BIRC6: variants seen among roughly 807,000 people sequenced by gnomAD.
BIRC6 encodes the protein dual E2 ubiquitin-conjugating enzyme/E3 ubiquitin-protein ligase BIRC6.
Under a neutral mutation model 503.3 loss-of-function variants are expected in BIRC6, and 98 were observed. The ratio of observed to expected loss-of-function variants is 0.19; its 90% confidence interval spans 0.17 to 0.23. The LOEUF (loss-of-function observed/expected upper bound fraction) is 0.23, where lower values mean the gene tolerates loss of function less well. Among genes scored for constraint, BIRC6 ranks in the 10% least tolerant of loss-of-function variants. BIRC6 has a pLI of 1.00. For missense variants in BIRC6, 5,360 were observed against 5,806.0 expected (o/e 0.92, Z 2.50); for synonymous variants, 2,240 against 2,078.7 (o/e 1.08, Z -2.11).
At chr2:32,523,652 A>G (rs548453870) in intron 57 of BIRC6, 1 of 152,374 alleles carries the variant, frequency 6.6e-6, no homozygotes, top group South Asian at 2.1e-4. Flanking sequence ...TTCATATACT[A>G]AAAACTGTAA....
chr2:32,554,898 A>T (rs2058671056), intron 65 of BIRC6, among the ~76,000 whole-genome samples: 1 of 152,018 alleles, frequency 6.6e-6, no homozygotes, highest in East Asian at 1.9e-4. Context: ...TGAATTACTT[A>T]GTAGTTACAT....
rs367764441 is a variant in BIRC6, at chr2:32,499,610, G to A, written c.8532G>A (p.Leu2844=). 5.0e-6 allele frequency: 8 copies of A among 1,613,636 alleles called. No individual in the cohort carries two copies. Among genetic ancestry groups the A allele is most frequent in the Non-Finnish European group, 6.8e-6 (8 of 1,179,816 alleles). Residue 2844 remains leucine, a synonymous_variant, in exon 46 of 74, where the codon CTG becomes CTA. Coordinates refer to ENST00000421745, the MANE Select transcript of BIRC6 (RefSeq NM_016252.4). The part of the protein sequence containing the change: ...DAQVKLLEFT[L]EQNFEVVSVS... ...AAGTGAAGCTCTTAGAATTCACTCTGGAGCAGAATTTTGAAGTCGTTTCAG... is the reference window on the plus strand; with the variant it reads ...AAGTGAAGCTCTTAGAATTCACTCTAGAGCAGAATTTTGAAGTCGTTTCAG...
At chr2:32,392,714 C>G (rs906523795) in intron 5 of BIRC6, among the ~76,000 whole-genome samples, 3 of 152,146 alleles carry the variant, frequency 2.0e-5, no homozygotes, top group Non-Finnish European at 4.4e-5. Context: ...TCTCAACCTT[C>G]CCAGGCACAG....
At chr2:32,528,176 A>G (rs2056435663) in intron 59 of BIRC6, 1 of 151,970 alleles carries the variant, frequency 6.6e-6, no homozygotes, top group African/African-American at 2.4e-5. Flanking sequence ...ATAAAAACAC[A>G]GCATCATAGG....
At chr2:32,612,327 G>A (rs1053661347) in intron 73 of BIRC6, among the ~76,000 whole-genome samples, 1 of 152,124 alleles carries the variant, frequency 6.6e-6, no homozygotes, top group Non-Finnish European at 1.5e-5. Flanking sequence ...CAGTTTGGAC[G>A]TTCATAGAAT....
chr2:32,510,107 A>G (rs2054244341), intron 52 of BIRC6, 113 bp downstream of exon 52: 1 of 1,233,440 alleles, frequency 8.1e-7, no homozygotes, highest in African/African-American at 1.5e-5. Flanking sequence ...CTTTTAGTTT[A>G]TGTTTATCTC....
chr2:32,369,184 A>G (rs188326254), intron 1 of BIRC6, among the ~76,000 whole-genome samples: 1 of 152,164 alleles, frequency 6.6e-6, no homozygotes, highest in Non-Finnish European at 1.5e-5. Context: ...ATAGATTTTC[A>G]TATTTGGATG....
intron 73 of BIRC6, 92 bp downstream of exon 73, chr2:32,611,674 G>T: frequency 8.2e-7 from 1 of 1,213,874 alleles, no homozygotes; most frequent in Non-Finnish European, 1.1e-6. Flanking sequence ...TGGGAGGGAG[G>T]GAATTAAAGA....
chr2:32,487,784 C>CAAG lies in BIRC6; in HGVS notation c.7952_7954dup (p.Gln2651_Val2652insGlu). 1 of 1,611,318 alleles carries CAAG rather than the reference C, an allele frequency of 6.2e-7. No homozygotes were observed. Among genetic ancestry groups the CAAG allele is most frequent in the East Asian group, 2.2e-5 (1 of 44,812 alleles). ...TTTCAACAAACTTTTTTCCATGCTTCAAGTCCATCATGTTCAGGTATGACT... is the reference window on the plus strand; with the variant it reads ...TTTCAACAAACTTTTTTCCATGCTTCAAGAAGTCCATCATGTTCAGGTATGACT... On this transcript the variant is annotated inframe_insertion, in exon 41 of 74. Coordinates refer to ENST00000421745, the MANE Select transcript of BIRC6 (RefSeq NM_016252.4).
intron 23 of BIRC6, among the ~76,000 whole-genome samples, chr2:32,458,244 C>G (rs1029978106): frequency 6.6e-6 from 1 of 152,050 alleles, no homozygotes; most frequent in Non-Finnish European, 1.5e-5. Flanking sequence ...TGTGATGTTT[C>G]TACATGTGGT....
chr2:32,391,083 A>C (rs1051499500), intron 4 of BIRC6, among the ~76,000 whole-genome samples: 2 of 152,208 alleles, frequency 1.3e-5, no homozygotes, highest in African/African-American at 4.8e-5. Flanking sequence ...ATCTATGCCT[A>C]TTTTGAGATT....
At chr2:32,613,646 C>T (rs1025415752) in intron 73 of BIRC6, among the ~76,000 whole-genome samples, 4 of 152,068 alleles carry the variant, frequency 2.6e-5, no homozygotes, top group African/African-American at 9.7e-5. Flanking sequence ...TGAGCCACCG[C>T]GCCCCGCCTG....
chr2:32,414,723 C>G (rs1415388973), intron 9 of BIRC6, 46 bp from the exon 10 acceptor site: 6 of 1,431,060 alleles, frequency 4.2e-6, no homozygotes, highest in Non-Finnish European at 5.8e-6. Flanking sequence ...AATGTGCTGA[C>G]TGGATGAGTA....
chr2:32,476,672 ATAT>A (rs897391433), intron 34 of BIRC6, among the ~76,000 whole-genome samples: 5 of 152,142 alleles, frequency 3.3e-5, no homozygotes, highest in African/African-American at 1.2e-4. Flanking sequence ...ATGATTGCAA[ATAT>A]TATTGTATCA....
chr2:32,381,654 T>A (rs552017273), intron 3 of BIRC6, among the ~76,000 whole-genome samples: 1 of 151,472 alleles, frequency 6.6e-6, no homozygotes, highest in South Asian at 2.1e-4. Context: ...CAAGCTATTC[T>A]CCTGCCTCAG....
At chr2:32,446,287 T>C (rs571331331) in intron 21 of BIRC6, among the ~76,000 whole-genome samples, 1 of 152,226 alleles carries the variant, frequency 6.6e-6, no homozygotes, top group African/African-American at 2.4e-5. Flanking sequence ...CTGTGCACTT[T>C]ATAGGTGGAA....
At position 32,476,325 on chromosome 2, in the gene BIRC6, T is replaced by C; in HGVS notation, c.6833T>C (p.Leu2278Pro). ...AAACTCCTGGTAGAACAAGCAAAAC[T>C]AAAGCAGGCCACTTCAAAGGTATGA... ...SYKLLVEQAKLKQATSKHFKD... is the reference protein window; with the variant it reads ...SYKLLVEQAKPKQATSKHFKD... The change falls in exon 34 of 74, where the codon CTA (leucine) becomes CCA (proline). Residue 2278 changes from leucine to proline, a missense_variant. This residue lies in a region of BIRC6 where 2,299 missense variants were observed against 2,267.2 expected (regional missense o/e 1.01). Transcript: ENST00000421745. 1.3e-6 allele frequency: 2 copies of C among 1,578,068 alleles called. No individual in the cohort carries two copies. The highest frequency in any genetic ancestry group is 1.7e-6 in the Non-Finnish European group (2 of 1,160,544).
intron 71 of BIRC6, among the ~76,000 whole-genome samples, chr2:32,603,780 A>G (rs1359974645): frequency 6.6e-6 from 1 of 151,996 alleles, no homozygotes; most frequent in Non-Finnish European, 1.5e-5. Flanking sequence ...CCTGTGAATA[A>G]AAGTCTTTAC....
intron 14 of BIRC6, 76 bp from the exon 15 acceptor site, chr2:32,435,977 G>A: frequency 1.2e-6 from 1 of 858,072 alleles, no homozygotes; most frequent in Non-Finnish European, 1.6e-6. Flanking sequence ...ATATGTAAAT[G>A]GGATGATATT....
Sources: allele counts gnomAD v4.1 joint callset (sites outside exome capture counted in the v4.1 genomes callset), GRCh38; gene constraint gnomAD v4.1.1; regional missense constraint gnomAD v4.1.1; transcripts MANE v1.5; gene names NCBI Gene and HGNC (gene_info 2026-07-23, HGNC 2026-07-21).